The following CTNNA2 variants were observed in gnomAD, a reference collection of about 807,000 sequenced individuals.
The protein encoded by CTNNA2 is catenin alpha-2.
Under a neutral mutation model 101.0 loss-of-function variants are expected in CTNNA2, and 42 were observed. That is an observed-to-expected ratio of 0.42 (90% CI 0.32 to 0.54). The LOEUF (loss-of-function observed/expected upper bound fraction) is 0.54. CTNNA2 is among the 20% of genes least tolerant of loss of function. CTNNA2 has a pLI of 0.14. For synonymous variants in CTNNA2, 450 were observed against 456.4 expected (o/e 0.99, Z 0.18); for missense variants, 871 against 1,223.1 (o/e 0.71, Z 4.29).
intron 2 of CTNNA2, among the ~76,000 whole-genome samples, chr2:79,264,681 C>T (rs1286950501): frequency 1.3e-5 from 2 of 151,986 alleles, no homozygotes; most frequent in Non-Finnish European, 2.9e-5. Context: ...TTTCAAAAGC[C>T]ATTAAGACCA....
chr2:79,250,908 G>A (rs868705276), intron 2 of CTNNA2, among the ~76,000 whole-genome samples: 1 of 152,074 alleles, frequency 6.6e-6, no homozygotes. Context: ...GTGTGTAGAC[G>A]TTGCTCCTCT....
In CTNNA2 at chr2:79,915,306, AAC is replaced by A. The variant is rs10547196; in HGVS notation, c.1056+5533_1056+5534del. Among the ~76,000 whole-genome samples the A allele has an allele frequency of 1.5e-3, 219 of 149,320 alleles. 1 individual carries two copies. Among genetic ancestry groups the A allele is most frequent in the Middle Eastern group, 3.4e-3 (1 of 292 alleles). ...AGTGGTATATTTACACACACACACA[AAC>A]ACACACACACACACACACACACATT... is the stretch of plus-strand genomic sequence containing the variant. On this transcript the variant is annotated intron_variant, in intron 7 of 18. Coordinates refer to ENST00000402739, the MANE Select transcript of CTNNA2 (RefSeq NM_001282597.3).
intron 9 of CTNNA2, among the ~76,000 whole-genome samples, chr2:80,451,673 C>T (rs917331913): frequency 6.6e-6 from 1 of 151,978 alleles, no homozygotes; most frequent in East Asian, 1.9e-4. Flanking sequence ...GATTTGTTCT[C>T]TTAGATCAGG....
At chr2:80,637,905 C>G (rs1673048939) in intron 18 of CTNNA2, among the ~76,000 whole-genome samples, 1 of 152,128 alleles carries the variant, frequency 6.6e-6, no homozygotes, top group Non-Finnish European at 1.5e-5. Context: ...AGGGTAGGAG[C>G]CATTTTGCAA....
rs1708851999 is a variant in CTNNA2 at position 80,225,740 on chromosome 2, A to G, written c.1057-167471A>G. On this transcript the variant is annotated intron_variant, in intron 7 of 18. Coordinates refer to ENST00000402739, the MANE Select transcript of CTNNA2 (RefSeq NM_001282597.3). ...TTTTCCTGAGGAATTAGATTTTATT[A>G]AAATAGTTGCTTTGTATCTCATTCA... Among the ~76,000 whole-genome samples the G allele has an allele frequency of 2.0e-5, 3 of 152,216 alleles. No individual in the cohort carries two copies. The South Asian group carries it at 6.2e-4, about 32-fold the overall frequency.
At chr2:79,784,241 ATTG>A (rs893000170) in intron 3 of CTNNA2, among the ~76,000 whole-genome samples, 6 of 151,986 alleles carry the variant, frequency 3.9e-5, no homozygotes, top group African/African-American at 1.4e-4. Context: ...CCACAGGCTT[ATTG>A]TTGGTTAAAG....
intron 2 of CTNNA2, among the ~76,000 whole-genome samples, chr2:79,678,993 G>T (rs894576319): frequency 1.3e-5 from 2 of 152,138 alleles, no homozygotes; most frequent in African/African-American, 4.8e-5. Context: ...GTTCAGATTT[G>T]TGGGGTTTTT....
At chr2:80,598,295 C>T (rs1365486343) in intron 15 of CTNNA2, among the ~76,000 whole-genome samples, 1 of 151,950 alleles carries the variant, frequency 6.6e-6, no homozygotes, top group Non-Finnish European at 1.5e-5. Context: ...CACACTGGGG[C>T]CTGTCAAGGG....
intron 7 of CTNNA2, among the ~76,000 whole-genome samples, chr2:80,131,579 A>G (rs952395933): frequency 2.6e-5 from 4 of 152,206 alleles, no homozygotes; most frequent in South Asian, 2.1e-4. Flanking sequence ...AAAATTTACT[A>G]AAGAGCATAG....
intron 2 of CTNNA2, among the ~76,000 whole-genome samples, chr2:79,671,207 T>G (rs1406792094): frequency 6.6e-6 from 1 of 152,148 alleles, no homozygotes; most frequent in Non-Finnish European, 1.5e-5. Flanking sequence ...TCTAATGTGT[T>G]AAAATGTTAC....
chr2:79,286,041 T>C (rs1370543349), intron 2 of CTNNA2, among the ~76,000 whole-genome samples: 2 of 151,290 alleles, frequency 1.3e-5, no homozygotes. Context: ...TCTTTGTTGG[T>C]TTAAAGTCTG....
At chr2:80,097,345 C>G (rs1700220483) in intron 7 of CTNNA2, among the ~76,000 whole-genome samples, 1 of 152,138 alleles carries the variant, frequency 6.6e-6, no homozygotes, top group Non-Finnish European at 1.5e-5. Context: ...CCATTCTTTT[C>G]TCGCTTGTAG....
intron 7 of CTNNA2, among the ~76,000 whole-genome samples, chr2:80,292,353 T>G (rs2149181879): frequency 6.6e-6 from 1 of 152,264 alleles, no homozygotes; most frequent in South Asian, 2.1e-4. Context: ...AGCCAGAATT[T>G]GAACCCAAGG....
At chr2:79,271,482 G>T (rs1007968051) in intron 2 of CTNNA2, among the ~76,000 whole-genome samples, 16 of 152,060 alleles carry the variant, frequency 1.1e-4, no homozygotes, top group Admixed American at 9.2e-4. Flanking sequence ...AGAGTGGCGA[G>T]GAAATAACAA....
chr2:80,369,001 T>G (rs1675208603), intron 7 of CTNNA2, among the ~76,000 whole-genome samples: 1 of 151,766 alleles, frequency 6.6e-6, no homozygotes, highest in Non-Finnish European at 1.5e-5. Flanking sequence ...ATACTTTTCT[T>G]GAACCCTATG....
intron 7 of CTNNA2, among the ~76,000 whole-genome samples, chr2:80,048,076 G>GACACTTAAA (rs1558759813): frequency 7.2e-5 from 11 of 151,868 alleles, no homozygotes; most frequent in Non-Finnish European, 1.0e-4. Context: ...TGAAAATAAT[G>GACACTTAAA]GTTTAAAGAC....
In CTNNA2 at chr2:80,303,480, G is replaced by A. The variant is rs1207978989; in HGVS notation, c.1057-89731G>A. On this transcript the variant is annotated intron_variant, in intron 7 of 18. Coordinates refer to ENST00000402739, the MANE Select transcript of CTNNA2 (RefSeq NM_001282597.3). This position sits in a 1 kb window ranked among gnomAD's most constrained non-coding sequence, Gnocchi z 7.7. ...GAACTCAGCGTGAGTTCCTTAACTC[G>A]GCGCAGTTTCTGAAAGGCGTCCCCC... is the stretch of plus-strand genomic sequence containing the variant. 6.2e-7 allele frequency: 1 copy of A among 1,614,206 alleles called. No individual in the cohort carries two copies. Among genetic ancestry groups the A allele is most frequent in the East Asian group, 2.2e-5 (1 of 44,866 alleles).
At chr2:79,691,537 A>G (rs928874199) in intron 2 of CTNNA2, among the ~76,000 whole-genome samples, 1 of 152,126 alleles carries the variant, frequency 6.6e-6, no homozygotes, top group Admixed American at 6.6e-5. Context: ...TAAAATTCAT[A>G]CGGAACCAAA....
intron 2 of CTNNA2, among the ~76,000 whole-genome samples, chr2:79,740,117 T>G (rs1014968615): frequency 6.6e-6 from 1 of 152,148 alleles, no homozygotes; most frequent in African/African-American, 2.4e-5. Flanking sequence ...CACCCAGGTA[T>G]TTAACCTAAT....
Sources: allele counts gnomAD v4.1 joint callset (sites outside exome capture counted in the v4.1 genomes callset), GRCh38; gene constraint gnomAD v4.1.1; non-coding constraint Gnocchi (gnomAD v3.1); transcripts MANE v1.5; gene names NCBI Gene and HGNC (gene_info 2026-07-23, HGNC 2026-07-21).